Variants in JOSD2 observed in about 807,000 individuals in gnomAD.
The protein encoded by JOSD2 is Josephin domain containing 2, also known as josephin-2.
A neutral mutation model predicts 19.3 loss-of-function variants in JOSD2; 20 were observed. The ratio of observed to expected loss-of-function variants is 1.04; its 90% CI spans 0.73 to 1.51. JOSD2 has a LOEUF of 1.51. Among genes scored for constraint, JOSD2 ranks in the 40% most tolerant of loss-of-function variants. JOSD2 has a pLI of 0.00. For missense variants in JOSD2, 215 were observed against 250.4 expected (o/e 0.86, Z 0.95); for synonymous variants, 118 against 123.7 (o/e 0.95, Z 0.31).
chr19:50,510,388 T>TGG lies in JOSD2; in HGVS notation c.43_44insCC (p.Tyr15SerfsTer43). On this transcript the variant is annotated frameshift_variant, in exon 2 of 5. Coordinates refer to ENST00000598418, the MANE Select transcript of JOSD2 (RefSeq NM_001270639.2). LOFTEE classifies it high-confidence loss of function. ...CAGCTCCAGGCGCTGCCGTTCGTGGTACACGGTGGGTGGGCTCGGCTGTGC... is the reference window on the plus strand; with the variant it reads ...CAGCTCCAGGCGCTGCCGTTCGTGGTGGACACGGTGGGTGGGCTCGGCTGTGC... The TGG allele has an allele frequency of 1.2e-6, 2 of 1,613,316 alleles. No individual in the cohort carries two copies. The highest frequency in any genetic ancestry group is 1.7e-6 in the Non-Finnish European group (2 of 1,179,852).
At chr19:50,507,408 G>A (rs1253907447) in intron 3 of JOSD2, among the ~76,000 whole-genome samples, 166 bp downstream of exon 3, 3 of 151,680 alleles carry the variant, frequency 2.0e-5, no homozygotes, top group Non-Finnish European at 4.4e-5. Flanking sequence ...CAGCATCTCA[G>A]CCCATCGACC....
At chr19:50,510,643 A>C (rs137885166) in intron 1 of JOSD2, among the ~76,000 whole-genome samples, 195 bp from the exon 2 acceptor site, 1 of 152,086 alleles carries the variant, frequency 6.6e-6, no homozygotes, top group Non-Finnish European at 1.5e-5. Flanking sequence ...TATTCCTACG[A>C]AAAACGCTGT....
intron 1 of JOSD2, 63 bp from the exon 2 acceptor site, chr19:50,510,511 C>G: frequency 2.0e-6 from 3 of 1,473,480 alleles, no homozygotes; most frequent in Non-Finnish European, 2.7e-6. Context: ...AGCCTCCCAG[C>G]AGGCCTTTGG....
chr19:50,510,051 CAAA>C (rs139049930), intron 2 of JOSD2: 420 of 231,426 alleles, frequency 1.8e-3, no homozygotes, highest in East Asian at 2.5e-3. Flanking sequence ...GACTCAGTCT[CAAA>C]AAAAAAAAAA....
Position 50,506,102 on chromosome 19 carries a change from A to G in JOSD2, c.*71T>C. ...GGTCCATGAAGTGCTGGCCTTTCCC[A>G]GGCATGCAGTGTGCGCAGCCGGAGG... On this transcript the variant is annotated 3_prime_UTR_variant, in exon 5 of 5. Coordinates refer to ENST00000598418, the MANE Select transcript of JOSD2 (RefSeq NM_001270639.2). The G allele has an allele frequency of 6.9e-7, 1 of 1,456,892 alleles. No homozygotes were observed. Among genetic ancestry groups the G allele is most frequent in the Non-Finnish European group, 9.5e-7 (1 of 1,056,698 alleles). The allele number at this position is 1,456,892 out of a possible 1,614,324, so 90.2% of individuals were successfully genotyped here.
rs3087582 is a variant in JOSD2, at chr19:50,506,134, C to T, written c.*39G>A. 0.033 allele frequency: 51,822 copies of T among 1,591,618 alleles called. 1,034 individuals are homozygous for T. Among genetic ancestry groups the T allele is most frequent in the Non-Finnish European group, 0.038 (44,415 of 1,163,820 alleles). On this transcript the variant is annotated 3_prime_UTR_variant, in exon 5 of 5. Coordinates refer to ENST00000598418, the MANE Select transcript of JOSD2 (RefSeq NM_001270639.2). ...CAGTGTGCGCAGCCGGAGGGGGATGCGCAGGGACTGCGCTGTGGGCGCCGA... is the reference window on the plus strand; with the variant it reads ...CAGTGTGCGCAGCCGGAGGGGGATGTGCAGGGACTGCGCTGTGGGCGCCGA...
chr19:50,509,986 G>A (rs955431947), intron 2 of JOSD2, among the ~76,000 whole-genome samples: 1 of 148,944 alleles, frequency 6.7e-6, no homozygotes, highest in Non-Finnish European at 1.5e-5. Flanking sequence ...CCGGGAGGCC[G>A]AGCTCGCAGT....
chr19:50,506,525 T>A lies in JOSD2; in HGVS notation c.320A>T (p.Asn107Ile). Residue 107 changes from asparagine (N) to isoleucine (I), a missense_variant, in exon 4 of 5, where the codon AAC becomes ATC. Coordinates refer to ENST00000598418, the MANE Select transcript of JOSD2 (RefSeq NM_001270639.2). ...CCCCAGCGACACGGGCGAGGGCAGG[T>A]TCAGGATCAGCCCCAGTACCTGGGG... ...ALPQVLGLIL[N>I]LPSPVSLGLL... The A allele has an allele frequency of 3.9e-6, 6 of 1,551,326 alleles. No homozygotes were observed. The South Asian group carries it at 7.1e-5, about 18-fold the overall frequency.
At chr19:50,510,999 A>G (rs1163463923) in intron 1 of JOSD2, 118 bp downstream of exon 1, 2 of 424,558 alleles carry the variant, frequency 4.7e-6, no homozygotes, top group Non-Finnish European at 9.5e-6. Flanking sequence ...AAGCAACAGG[A>G]GTTCCTCTTC....
chr19:50,508,117 T>G, intron 2 of JOSD2: 2 of 269,784 alleles, frequency 7.4e-6, no homozygotes, highest in Non-Finnish European at 7.3e-6. Context: ...CTCCAGTCCA[T>G]TCCCACACGG....
At chr19:50,510,588 C>CCCTGGCAGTCT (rs1979738251) in intron 1 of JOSD2, 140 bp from the exon 2 acceptor site, 1 of 708,038 alleles carries the variant, frequency 1.4e-6, no homozygotes, top group East Asian at 2.8e-5. Flanking sequence ...TGACCCCGCT[C>CCCTGGCAGTCT]CCTGGCAGTC....
chr19:50,508,336 G>A (rs531989811), intron 2 of JOSD2, among the ~76,000 whole-genome samples: 14 of 152,236 alleles, frequency 9.2e-5, no homozygotes, highest in Admixed American at 6.5e-4. Context: ...ACAGCTGCCC[G>A]CATCACCCTG....
rs1463252134 is a variant in JOSD2, at chr19:50,507,589, C to T, written c.257G>A (p.Trp86Ter). Residue 86 changes from tryptophan to a stop codon, truncating the protein, a stop_gained, in exon 3 of 5, where the codon TGG (tryptophan) becomes TAG (stop). Transcript: ENST00000598418. LOFTEE classifies it high-confidence loss of function. ...TGGGGCCTACCTCCTCCTGTCCCAC[C>T]ACACGGCGGCCAGGCCCAGCCCCTG... is the stretch of plus-strand genomic sequence containing the variant. ...ALQGLGLAAVWWDRRRPLSQL... is the reference protein window; with the variant it reads ...ALQGLGLAAV 6.2e-7 allele frequency: 1 copy of T among 1,606,646 alleles called. No homozygotes were observed. The highest frequency in any genetic ancestry group is 1.7e-5 in the Admixed American group (1 of 59,968).
At position 50,510,417 on chromosome 19, in the gene JOSD2, C is replaced by G; in HGVS notation, c.15G>C (p.Pro5=). Residue 5 remains proline, a synonymous_variant, in exon 2 of 5, where the codon CCG becomes CCC. Transcript: ENST00000598418. MSQA[P]GAQPSPPTVY... ...CGGTGGGTGGGCTCGGCTGTGCTCC[C>G]GGGGCCTGGGACATGCCGTCCTCGG... The G allele has an allele frequency of 6.2e-7, 1 of 1,610,082 alleles. No individual in the cohort carries two copies. Among genetic ancestry groups the G allele is most frequent in the Non-Finnish European group, 8.5e-7 (1 of 1,178,080 alleles).
In JOSD2 at chr19:50,509,772, GGCCGGGTGCAGTGGCTCAC is replaced by G. The variant is rs1437174372; in HGVS notation, c.146+495_146+513del. Among the ~76,000 whole-genome samples, 18 of 151,986 alleles carry G rather than the reference GGCCGGGTGCAGTGGCTCAC, an allele frequency of 1.2e-4. 1 individual carries two copies. The highest frequency in any genetic ancestry group is 2.4e-5 in the African/African-American group (1 of 41,368). On this transcript the variant is annotated intron_variant, in intron 2 of 4. Coordinates refer to ENST00000598418, the MANE Select transcript of JOSD2 (RefSeq NM_001270639.2). ...CTTGTCTCTAAAGAAAGAACCACTGGGCCGGGTGCAGTGGCTCACGCCTGTAATCCTAGCACTTTGGGAG... is the reference window on the plus strand; with the variant it reads ...CTTGTCTCTAAAGAAAGAACCACTGGGCCTGTAATCCTAGCACTTTGGGAG...
chr19:50,507,768 C>T (rs1035646608), intron 2 of JOSD2, 69 bp from the exon 3 acceptor site: 1 of 1,552,172 alleles, frequency 6.4e-7, no homozygotes, highest in Non-Finnish European at 8.7e-7. Flanking sequence ...ATGGGGGTCC[C>T]AGGGGCCACA....
chr19:50,510,460 G>C lies in JOSD2; in HGVS notation c.-17-12C>G. The C allele has an allele frequency of 6.3e-7, 1 of 1,588,050 alleles. No individual in the cohort carries two copies. Among genetic ancestry groups the C allele is most frequent in the Non-Finnish European group, 8.6e-7 (1 of 1,168,286 alleles). On this transcript the variant is annotated splice_polypyrimidine_tract_variant and intron_variant, in intron 1 of 4. Coordinates refer to ENST00000598418, the MANE Select transcript of JOSD2 (RefSeq NM_001270639.2). ...GTCCTCGGCTCCTGCTGGGGGTTGGGAGGGGGAGAAGGTCCTCAGGGGCCC... is the reference window on the plus strand; with the variant it reads ...GTCCTCGGCTCCTGCTGGGGGTTGGCAGGGGGAGAAGGTCCTCAGGGGCCC...
chr19:50,507,511 G>T lies in JOSD2; in HGVS notation c.272+63C>A, dbSNP rs868041797. The T allele has an allele frequency of 7.2e-6, 11 of 1,521,572 alleles. No homozygotes were observed. The Middle Eastern group carries it at 2.2e-3, about 310-fold the overall frequency. 94.3% of individuals were successfully genotyped at this position (1,521,572 alleles called of 1,614,324 possible). On this transcript the variant is annotated intron_variant, in intron 3 of 4. Coordinates refer to ENST00000598418, the MANE Select transcript of JOSD2 (RefSeq NM_001270639.2). The stretch of plus-strand genomic sequence containing the variant: ...CATTCCCCTCCCTGCCCCCCAACAG[G>T]CTCACACTATAGGGTGCCCTCTGTG...
Position 50,510,428 on chromosome 19 carries a change from A to T in JOSD2, c.4T>A (p.Ser2Thr). The T allele has an allele frequency of 6.2e-7, 1 of 1,607,212 alleles. No homozygotes were observed. Among genetic ancestry groups the T allele is most frequent in the Non-Finnish European group, 8.5e-7 (1 of 1,176,458 alleles). The stretch of plus-strand genomic sequence containing the variant: ...CTCGGCTGTGCTCCCGGGGCCTGGG[A>T]CATGCCGTCCTCGGCTCCTGCTGGG... M[S>T]QAPGAQPSPP... The change falls in exon 2 of 5, where the codon TCC becomes ACC. Residue 2 changes from serine to threonine, a missense_variant. Transcript: ENST00000598418.
Sources: gnomAD v4.1 joint callset for allele counts (sites outside exome capture counted in the v4.1 genomes callset) on GRCh38, gnomAD v4.1.1 for gene constraint, MANE v1.5 for transcripts, NCBI Gene and HGNC (gene_info 2026-07-23, HGNC 2026-07-21) for gene names.